RNF216: variants seen among roughly 807,000 people sequenced by gnomAD.
The protein encoded by RNF216 is ring finger protein 216.
A neutral mutation model predicts 110.8 loss-of-function variants in RNF216; 72 were observed. That is an observed-to-expected ratio of 0.65 (90% CI 0.54 to 0.79). The LOEUF (loss-of-function observed/expected upper bound fraction) is 0.79, where lower values mean the gene tolerates loss of function less well. Among genes scored for constraint, RNF216 ranks in the 30% least tolerant of loss-of-function variants. The pLI is 0.00. For missense variants in RNF216, 1,342 were observed against 1,141.2 expected (o/e 1.18, Z -2.54); for synonymous variants, 495 against 407.5 (o/e 1.21, Z -2.59).
At chr7:5,727,655 C>T (rs1437698605) in intron 7 of RNF216, among the ~76,000 whole-genome samples, 1 of 151,990 alleles carries the variant, frequency 6.6e-6, no homozygotes, top group African/African-American at 2.4e-5. Context: ...TGGCTTGAGC[C>T]CAGGTCAAGG....
At chr7:5,649,388 A>G (rs1282013258) in intron 14 of RNF216, among the ~76,000 whole-genome samples, 7 of 22,924 alleles carry the variant, frequency 3.1e-4, no homozygotes, top group African/African-American at 4.8e-4. Flanking sequence ...CTCCAAAGGA[A>G]AAAAAAAAAA....
intron 15 of RNF216, among the ~76,000 whole-genome samples, chr7:5,637,624 G>A (rs1787472522): frequency 6.6e-6 from 1 of 152,170 alleles, no homozygotes; most frequent in Non-Finnish European, 1.5e-5. Context: ...AGGGCTCACT[G>A]CATCCCTAAC....
At chr7:5,666,869 C>T (rs1049396946) in intron 13 of RNF216, among the ~76,000 whole-genome samples, 4 of 146,050 alleles carry the variant, frequency 2.7e-5, no homozygotes, top group East Asian at 2.0e-4. Flanking sequence ...GGCTGGGGTG[C>T]AGTCAGTGGT....
chr7:5,723,955 G>A (rs1373974806), intron 8 of RNF216, among the ~76,000 whole-genome samples: 2 of 152,026 alleles, frequency 1.3e-5, no homozygotes, highest in East Asian at 3.9e-4. Context: ...ATACTTCCAG[G>A]GTCCTTCAAG....
At chr7:5,745,646 T>A (rs755456229) in intron 3 of RNF216, among the ~76,000 whole-genome samples, 7 of 152,004 alleles carry the variant, frequency 4.6e-5, no homozygotes, top group African/African-American at 7.2e-5. Context: ...ACGCCTGTAA[T>A]CTCAGCACTT....
chr7:5,623,047 G>A lies in RNF216; in HGVS notation c.2585C>T (p.Pro862Leu). ...PQMPPYAFAH[P>L]PFPLPPVRPV... ...CCGCACGGGAGGCAGGGGGAAGGGTGGGTGCGCGAAGGCATAGGGTGGCAT... is the reference window on the plus strand; with the variant it reads ...CCGCACGGGAGGCAGGGGGAAGGGTAGGTGCGCGAAGGCATAGGGTGGCAT... Residue 862 changes from proline to leucine, a missense_variant, in exon 17 of 17, where the codon CCA (proline) becomes CTA (leucine). Physicochemically the swap from Pro to Leu is moderately conservative, Grantham distance 98 (BLOSUM62 -3). Transcript: ENST00000389902. The A allele has an allele frequency of 6.2e-7, 1 of 1,614,050 alleles. No individual in the cohort carries two copies. Among genetic ancestry groups the A allele is most frequent in the Non-Finnish European group, 8.5e-7 (1 of 1,179,948 alleles).
At chr7:5,738,475 G>A (rs1361406077) in intron 5 of RNF216, among the ~76,000 whole-genome samples, 4 of 152,046 alleles carry the variant, frequency 2.6e-5, no homozygotes, top group East Asian at 3.9e-4. Context: ...TTGGGAGGCC[G>A]AGGCGGGTGG....
intron 13 of RNF216, among the ~76,000 whole-genome samples, chr7:5,686,481 T>C (rs1051092173): frequency 3.3e-5 from 5 of 152,154 alleles, no homozygotes; most frequent in Non-Finnish European, 4.4e-5. Flanking sequence ...CTGAATGTTA[T>C]CTGTTCTCTG....
chr7:5,646,652 C>T (rs1788067313), intron 14 of RNF216, among the ~76,000 whole-genome samples: 1 of 151,424 alleles, frequency 6.6e-6, no homozygotes, highest in African/African-American at 2.4e-5. Flanking sequence ...AAGATTGCAC[C>T]ACTGCACTCC....
intron 9 of RNF216, among the ~76,000 whole-genome samples, chr7:5,720,337 T>C (rs917759280): frequency 6.6e-6 from 1 of 152,230 alleles, no homozygotes; most frequent in Admixed American, 6.5e-5. Context: ...CACACTTCCA[T>C]TTAATGAATA....
chr7:5,657,037 T>C (rs1788789302), intron 13 of RNF216, among the ~76,000 whole-genome samples: 1 of 152,270 alleles, frequency 6.6e-6, no homozygotes. Flanking sequence ...CAAAGCCACC[T>C]GGAAGGTGTC....
chr7:5,761,607 G>A (rs1406160802), intron 1 of RNF216, among the ~76,000 whole-genome samples: 8 of 152,280 alleles, frequency 5.3e-5, no homozygotes, highest in Admixed American at 5.2e-4. Flanking sequence ...CCAACATGGT[G>A]AAATGCCAAC....
chr7:5,725,405 G>C lies in RNF216; in HGVS notation c.1423C>G (p.Leu475Val), dbSNP rs1562433194. Residue 475 changes from leucine (L) to valine (V), a missense_variant, in exon 8 of 17, where the codon CTG (leucine) becomes GTG (valine). Transcript: ENST00000389902. ...LSDAIKKWQE[L>V]SPETSGKRKK... is the part of the protein sequence containing the mutation. ...CTTTTTCCACTGGTTTCTGGTGACAGCTCCTGCCATTTTTTAATGGCATCA... is the reference window on the plus strand; with the variant it reads ...CTTTTTCCACTGGTTTCTGGTGACACCTCCTGCCATTTTTTAATGGCATCA... 4 of 1,613,102 alleles carry C rather than the reference G, an allele frequency of 2.5e-6. No individual in the cohort carries two copies. Among genetic ancestry groups the C allele is most frequent in the Admixed American group, 3.3e-5 (2 of 59,952 alleles).
intron 13 of RNF216, among the ~76,000 whole-genome samples, chr7:5,710,154 G>A (rs1299399956): frequency 1.3e-5 from 2 of 152,200 alleles, no homozygotes; most frequent in African/African-American, 4.8e-5. Flanking sequence ...GAGGCCAGGA[G>A]TTCAGGACCA....
rs143937607 is a variant in RNF216, at chr7:5,720,995, C to A, written c.1644+38G>T. ...TAAACCCTAAGAGCAAACCAGAATC[C>A]CAGAAACACACCCCAAGACCAGAGC... On this transcript the variant is annotated intron_variant, in intron 9 of 16. Transcript: ENST00000389902. 239 of 1,606,670 alleles carry A rather than the reference C, an allele frequency of 1.5e-4. No homozygotes were observed. The African/African-American group carries it at 2.8e-3, about 19-fold the overall frequency.
At chr7:5,715,701 T>C (rs1362676811) in intron 10 of RNF216, among the ~76,000 whole-genome samples, 1 of 151,792 alleles carries the variant, frequency 6.6e-6, no homozygotes. Flanking sequence ...ACTCCTTTTA[T>C]TAACTATAGC....
At chr7:5,630,003 C>T (rs1786972219) in intron 15 of RNF216, among the ~76,000 whole-genome samples, 1 of 152,036 alleles carries the variant, frequency 6.6e-6, no homozygotes, top group South Asian at 2.1e-4. Flanking sequence ...ATGAGCATCA[C>T]CATCCTGTGA....
At position 5,681,743 on chromosome 7, in the gene RNF216, G is replaced by C. The variant is rs73339936; in HGVS notation, c.2062-29233C>G. Among the ~76,000 whole-genome samples, 896 of 152,298 alleles carry C rather than the reference G, an allele frequency of 5.9e-3. 10 individuals carry two copies. Among genetic ancestry groups the C allele is most frequent in the African/African-American group, 0.02 (849 of 41,556 alleles). The stretch of plus-strand genomic sequence containing the variant: ...CCACACTGCGAAACCACACTGCTCA[G>C]CTTCAACACTCCGGCTTACTGACTG... On this transcript the variant is annotated intron_variant, in intron 13 of 16. Transcript: ENST00000389902.
intron 1 of RNF216, among the ~76,000 whole-genome samples, chr7:5,770,278 A>G (rs2128679385): frequency 6.6e-6 from 1 of 152,028 alleles, no homozygotes; most frequent in South Asian, 2.1e-4. Context: ...CCTGACCAAC[A>G]TGGAGAAACC....
Sources: allele counts gnomAD v4.1 joint callset (sites outside exome capture counted in the v4.1 genomes callset), GRCh38; gene constraint gnomAD v4.1.1; transcripts MANE v1.5; gene names NCBI Gene and HGNC (gene_info 2026-07-23, HGNC 2026-07-21).